The following AFAP1 variants were observed in gnomAD, a reference collection of about 807,000 sequenced individuals.
The protein encoded by AFAP1 is actin filament-associated protein 1.
Under a neutral mutation model 93.9 loss-of-function variants are expected in AFAP1, and 75 were observed. That is an observed-to-expected ratio of 0.80 (90% CI 0.66 to 0.97). The LOEUF (loss-of-function observed/expected upper bound fraction) is 0.97, where lower values mean the gene tolerates loss of function less well. Ranked by LOEUF, AFAP1 falls within the 50% of genes least tolerant of loss-of-function variation. The pLI, the probability that AFAP1 is intolerant of heterozygous loss-of-function variation, is 0.00. For synonymous variants in AFAP1, 517 were observed against 430.7 expected, an observed-to-expected ratio of 1.20 and a Z score of -2.48; for missense variants, 1,201 against 1,050.8, an observed-to-expected ratio of 1.14 and a Z score of -1.98.
intron 3 of AFAP1, among the ~76,000 whole-genome samples, chr4:7,863,116 G>A (rs1382600412): frequency 1.3e-5 from 2 of 152,188 alleles, no homozygotes; most frequent in African/African-American, 2.4e-5. Context: ...TTGAAACAAA[G>A]AGAACAATCT....
At chr4:7,851,708 C>G (rs1254897066) in intron 4 of AFAP1, among the ~76,000 whole-genome samples, 1 of 152,162 alleles carries the variant, frequency 6.6e-6, no homozygotes, top group Non-Finnish European at 1.5e-5. Context: ...CATGGAAAAT[C>G]CGACTCCAGG....
chr4:7,871,785 A>C (rs1353986918), intron 2 of AFAP1, among the ~76,000 whole-genome samples, 167 bp downstream of exon 2: 1 of 152,256 alleles, frequency 6.6e-6, no homozygotes, highest in Non-Finnish European at 1.5e-5. Flanking sequence ...CCTGGAGGCT[A>C]ACACAGAACT....
chr4:7,823,492 T>C (rs1721156063), intron 6 of AFAP1, among the ~76,000 whole-genome samples: 1 of 152,118 alleles, frequency 6.6e-6, no homozygotes, highest in Admixed American at 6.6e-5. Context: ...ACATACGCAC[T>C]TCCCCACTCA....
chr4:7,884,342 C>A (rs1449417265), intron 1 of AFAP1, among the ~76,000 whole-genome samples: 1 of 152,098 alleles, frequency 6.6e-6, no homozygotes, highest in Non-Finnish European at 1.5e-5. Context: ...CGTATATCAA[C>A]AAATTTTGTT....
intron 8 of AFAP1, among the ~76,000 whole-genome samples, chr4:7,812,764 C>A (rs937953138): frequency 6.6e-6 from 1 of 152,246 alleles, no homozygotes; most frequent in South Asian, 2.1e-4. Flanking sequence ...TCCCAGTAAC[C>A]GACGGAAACG....
At chr4:7,875,319 AGGTG>A (rs1441471829) in intron 1 of AFAP1, among the ~76,000 whole-genome samples, 143 of 152,358 alleles carry the variant, frequency 9.4e-4, no homozygotes, top group African/African-American at 3.4e-3. Flanking sequence ...GAGCTTAAGT[AGGTG>A]GATGTGGCAC....
intron 6 of AFAP1, among the ~76,000 whole-genome samples, chr4:7,820,991 G>A (rs7678214): frequency 0.05 from 7,642 of 152,124 alleles, 254 homozygotes; most frequent in Non-Finnish European, 0.072. Context: ...GGTGGTACAC[G>A]CCTGTAATCC....
At chr4:7,780,376 A>G (rs1429247497) in intron 13 of AFAP1, among the ~76,000 whole-genome samples, 1 of 152,362 alleles carries the variant, frequency 6.6e-6, no homozygotes, top group East Asian at 1.9e-4. Flanking sequence ...CTATAATTCT[A>G]CAATTTTATC....
chr4:7,842,301 C>CAAAAAA (rs57050150), intron 5 of AFAP1, among the ~76,000 whole-genome samples: 1 of 94,896 alleles, frequency 1.1e-5, no homozygotes, highest in Non-Finnish European at 2.0e-5. Flanking sequence ...CCTGGATTTA[C>CAAAAAA]AAAAAAAAAA....
At chr4:7,899,118 A>G (rs529221648) in intron 1 of AFAP1, among the ~76,000 whole-genome samples, 1 of 152,010 alleles carries the variant, frequency 6.6e-6, no homozygotes, top group African/African-American at 2.4e-5. Context: ...AGAGAATTTC[A>G]AAATAATATG....
chr4:7,787,609 G>C (rs1485704326), intron 11 of AFAP1, among the ~76,000 whole-genome samples: 2 of 152,188 alleles, frequency 1.3e-5, no homozygotes, highest in African/African-American at 2.4e-5. Flanking sequence ...GAAACCTAGA[G>C]AATTGCTGGG....
At chr4:7,930,989 T>C (rs1416015021) in intron 1 of AFAP1, among the ~76,000 whole-genome samples, 1 of 152,182 alleles carries the variant, frequency 6.6e-6, no homozygotes, top group African/African-American at 2.4e-5. Flanking sequence ...TGGCCTCAAG[T>C]GATCTGCCTG....
intron 1 of AFAP1, among the ~76,000 whole-genome samples, chr4:7,923,839 A>C (rs983409807): frequency 1.3e-5 from 2 of 151,222 alleles, no homozygotes; most frequent in Non-Finnish European, 2.9e-5. Context: ...AACCCTAATC[A>C]CCTCCCAAAG....
intron 1 of AFAP1, among the ~76,000 whole-genome samples, chr4:7,917,979 G>A (rs575869410): frequency 6.6e-6 from 1 of 152,326 alleles, no homozygotes; most frequent in East Asian, 1.9e-4. Context: ...GATGGGACTT[G>A]TCTTTGGTAA....
intron 1 of AFAP1, among the ~76,000 whole-genome samples, chr4:7,908,838 A>G (rs564163916): frequency 6.6e-6 from 1 of 152,330 alleles, no homozygotes; most frequent in African/African-American, 2.4e-5. Context: ...ATCTCCTCCA[A>G]AGAAGCTAAT....
chr4:7,886,487 G>C (rs1378637688), intron 1 of AFAP1, among the ~76,000 whole-genome samples: 1 of 152,194 alleles, frequency 6.6e-6, no homozygotes, highest in African/African-American at 2.4e-5. Context: ...TTATAAAAGG[G>C]ATCTGTGCAT....
At chr4:7,871,346 C>G (rs949674953) in intron 2 of AFAP1, among the ~76,000 whole-genome samples, 5 of 152,156 alleles carry the variant, frequency 3.3e-5, no homozygotes, top group East Asian at 1.9e-4. Context: ...GTAAACAACA[C>G]AGTTGTGCTG....
At chr4:7,882,486 A>C (rs1386620326) in intron 1 of AFAP1, among the ~76,000 whole-genome samples, 1 of 152,082 alleles carries the variant, frequency 6.6e-6, no homozygotes. Flanking sequence ...TTTTCCTTAC[A>C]TCAGTGCAAA....
chr4:7,869,185 GAA>G (rs1347641117), intron 2 of AFAP1, among the ~76,000 whole-genome samples: 3 of 150,648 alleles, frequency 2.0e-5, no homozygotes, highest in Admixed American at 2.0e-4. Context: ...AAAGAGAAAA[GAA>G]AAGAGGAAGG....
Sources: gnomAD v4.1 joint callset for allele counts (sites outside exome capture counted in the v4.1 genomes callset) on GRCh38, gnomAD v4.1.1 for gene constraint, MANE v1.5 for transcripts, NCBI Gene and HGNC (gene_info 2026-07-23, HGNC 2026-07-21) for gene names.